CDH10: variants seen among roughly 807,000 people sequenced by gnomAD.
CDH10 encodes the protein cadherin-10.
CDH10 carries 30 observed loss-of-function variants against 73.1 expected under a neutral mutation model. That is an observed-to-expected ratio of 0.41 (90% CI 0.31 to 0.56). The LOEUF (loss-of-function observed/expected upper bound fraction) is 0.56, where lower values mean the gene tolerates loss of function less well. Among genes scored for constraint, CDH10 ranks in the 20% least tolerant of loss-of-function variants. The pLI is 0.27. For missense variants in CDH10, 815 were observed against 973.7 expected, an observed-to-expected ratio of 0.84 and a Z score of 2.17; for synonymous variants, 345 against 348.2, an observed-to-expected ratio of 0.99 and a Z score of 0.10.
rs1366196985 is a variant in CDH10 at position 24,512,878 on chromosome 5, T to C, written c.815-1364A>G. Among the ~76,000 whole-genome samples the C allele has an allele frequency of 5.3e-5, 7 of 132,882 alleles. No individual in the cohort carries two copies. The East Asian group carries it at 1.5e-3, about 28-fold the overall frequency. 87.2% of individuals were successfully genotyped at this position (132,882 alleles called of 152,430 possible). On this transcript the variant is annotated intron_variant, in intron 5 of 11. Coordinates refer to ENST00000264463, the MANE Select transcript of CDH10 (RefSeq NM_006727.5). ...TCACAGTCTTGCCTGAATATGTCTC[T>C]CCTATATCATTTTGCATTTAGTCAC... is the stretch of plus-strand genomic sequence containing the variant.
intron 9 of CDH10, 32 bp from the exon 10 acceptor site, chr5:24,492,957 A>G: frequency 1.2e-6 from 1 of 840,478 alleles, no homozygotes; most frequent in East Asian, 2.4e-5. Flanking sequence ...TCTCATCAAT[A>G]TATCTCTTAT....
chr5:24,518,416 C>CAT (rs1296931277), intron 5 of CDH10, among the ~76,000 whole-genome samples: 4 of 151,778 alleles, frequency 2.6e-5, no homozygotes, highest in South Asian at 2.1e-4. Flanking sequence ...CACATATTCA[C>CAT]ATATGTATAT....
At chr5:24,579,405 A>G (rs13164759) in intron 2 of CDH10, among the ~76,000 whole-genome samples, 57,874 of 151,472 alleles carry the variant, frequency 0.38, 13,439 homozygotes, top group East Asian at 0.53. Context: ...TTTCTTGATT[A>G]CACTGACACT....
At chr5:24,575,169 T>C (rs1745549812) in intron 2 of CDH10, among the ~76,000 whole-genome samples, 2 of 151,790 alleles carry the variant, frequency 1.3e-5, no homozygotes, top group South Asian at 4.2e-4. Context: ...CCAGACCAGC[T>C]TGGCCAACAT....
At chr5:24,612,271 G>A (rs994986487) in intron 1 of CDH10, 1 of 152,124 alleles carries the variant, frequency 6.6e-6, no homozygotes. Context: ...AAGGGACAAA[G>A]TGTCTTAGTG....
chr5:24,604,871 TAAAA>T (rs71576696), intron 1 of CDH10, among the ~76,000 whole-genome samples: 26 of 116,334 alleles, frequency 2.2e-4, no homozygotes, highest in Non-Finnish European at 3.5e-4. Flanking sequence ...AAGATGTCTC[TAAAA>T]AAAAAAAAAA....
intron 6 of CDH10, among the ~76,000 whole-genome samples, chr5:24,510,432 A>G (rs1158210298): frequency 6.6e-6 from 1 of 152,234 alleles, no homozygotes; most frequent in Non-Finnish European, 1.5e-5. Flanking sequence ...AACTGTCAGA[A>G]GTATAAAATC....
chr5:24,614,203 T>A (rs1747052874), intron 1 of CDH10, among the ~76,000 whole-genome samples: 1 of 152,162 alleles, frequency 6.6e-6, no homozygotes, highest in Non-Finnish European at 1.5e-5. Context: ...TAGGAAAAAC[T>A]CTGTAAGTTC....
chr5:24,488,147 A>T lies in CDH10; in HGVS notation c.1883T>A (p.Val628Glu), dbSNP rs771711060. The stretch of plus-strand genomic sequence containing the variant: ...TCTTTTCAGAGCTGCAAACAGTACT[A>T]CTATAACTTGAAAAAAGACAAGAAG... ...LLCIIILLVI[V>E]VLFAALKRQR... Residue 628 changes from valine (V) to glutamate (E), a missense_variant, in exon 12 of 12, where the codon GTA becomes GAA. By Grantham distance (121) the Val-to-Glu change is moderately radical. Transcript: ENST00000264463. 1 of 1,596,472 alleles carries T rather than the reference A, an allele frequency of 6.3e-7. No homozygotes were observed. Among genetic ancestry groups the T allele is most frequent in the Non-Finnish European group, 8.5e-7 (1 of 1,173,882 alleles).
chr5:24,637,919 T>C (rs1476443144), intron 1 of CDH10, among the ~76,000 whole-genome samples: 2 of 151,816 alleles, frequency 1.3e-5, no homozygotes, highest in African/African-American at 4.8e-5. Context: ...CCACACTTTT[T>C]TCTTCTTCGA....
intron 2 of CDH10, among the ~76,000 whole-genome samples, chr5:24,574,225 T>C (rs576796030): frequency 1.8e-4 from 28 of 152,244 alleles, no homozygotes; most frequent in Admixed American, 1.1e-3. Flanking sequence ...ATGCTAGCTT[T>C]GCAGTCCTCA....
chr5:24,501,162 A>G (rs1458762436), intron 8 of CDH10, among the ~76,000 whole-genome samples: 1 of 152,178 alleles, frequency 6.6e-6, no homozygotes, highest in Non-Finnish European at 1.5e-5. Context: ...GTCTTGACAT[A>G]AAAATATCCC....
intron 1 of CDH10, among the ~76,000 whole-genome samples, chr5:24,623,108 C>T (rs1579480778): frequency 6.6e-6 from 1 of 152,140 alleles, no homozygotes; most frequent in Non-Finnish European, 1.5e-5. Flanking sequence ...TCCTTTGTGT[C>T]ATGCAGGAAG....
chr5:24,578,069 A>T (rs2112045166), intron 2 of CDH10, among the ~76,000 whole-genome samples: 1 of 152,282 alleles, frequency 6.6e-6, no homozygotes, highest in East Asian at 1.9e-4. Context: ...GCTGGTGAGG[A>T]GAGGACACTT....
intron 8 of CDH10, chr5:24,499,456 C>A (rs1742410841): frequency 6.6e-6 from 1 of 152,542 alleles, no homozygotes; most frequent in African/African-American, 2.4e-5. Context: ...GAGACTAAGG[C>A]AGGTGCATCA....
At chr5:24,542,487 G>A (rs1170736643) in intron 2 of CDH10, among the ~76,000 whole-genome samples, 1 of 152,074 alleles carries the variant, frequency 6.6e-6, no homozygotes, top group Non-Finnish European at 1.5e-5. Context: ...ATAACATGCT[G>A]TACAGGTTTG....
intron 2 of CDH10, among the ~76,000 whole-genome samples, chr5:24,555,629 C>G (rs1219038089): frequency 1.3e-5 from 2 of 152,090 alleles, no homozygotes; most frequent in African/African-American, 2.4e-5. Context: ...TCAAGAGAAC[C>G]TGTAGCTTAA....
At chr5:24,613,641 T>C (rs1747030502) in intron 1 of CDH10, among the ~76,000 whole-genome samples, 1 of 152,052 alleles carries the variant, frequency 6.6e-6, no homozygotes, top group Non-Finnish European at 1.5e-5. Flanking sequence ...GGGGACAATG[T>C]TGCTACCTAG....
chr5:24,600,253 A>T (rs542343568), intron 1 of CDH10, among the ~76,000 whole-genome samples: 1 of 152,298 alleles, frequency 6.6e-6, no homozygotes, highest in South Asian at 2.1e-4. Flanking sequence ...TTGAGCTATA[A>T]TACAGTGAAC....
Sources: gnomAD v4.1 joint callset for allele counts (sites outside exome capture counted in the v4.1 genomes callset) on GRCh38, gnomAD v4.1.1 for gene constraint, MANE v1.5 for transcripts, NCBI Gene and HGNC (gene_info 2026-07-23, HGNC 2026-07-21) for gene names.